The following DNER variants were observed in gnomAD, a reference collection of about 807,000 sequenced individuals.
DNER encodes delta and Notch-like epidermal growth factor-related receptor.
DNER carries 33 observed loss-of-function variants against 78.2 expected under a neutral mutation model. The observed-to-expected ratio is 0.42, with a 90% CI of 0.32 to 0.56. The LOEUF (loss-of-function observed/expected upper bound fraction) is 0.56. Among genes scored for constraint, DNER ranks in the 20% least tolerant of loss-of-function variants. The probability of loss-of-function intolerance (pLI) is 0.11; values close to 1 mark genes in which losing one functional copy is unlikely to be tolerated. For missense variants in DNER, 918 were observed against 975.3 expected, an observed-to-expected ratio of 0.94 and a Z score of 0.78; for synonymous variants, 417 against 384.8, an observed-to-expected ratio of 1.08 and a Z score of -0.98.
intron 1 of DNER, among the ~76,000 whole-genome samples, chr2:229,679,052 C>T (rs1699345677): frequency 1.3e-5 from 2 of 152,078 alleles, no homozygotes; most frequent in African/African-American, 4.8e-5. Flanking sequence ...AGAACAACCC[C>T]TTTTTAATAC....
chr2:229,459,628 A>G (rs1209691456), intron 7 of DNER, among the ~76,000 whole-genome samples: 3 of 152,102 alleles, frequency 2.0e-5, no homozygotes, highest in Non-Finnish European at 2.9e-5. Context: ...GAAAAATAAC[A>G]TTCAATCAGG....
At chr2:229,489,959 G>C (rs1426999406) in intron 6 of DNER, among the ~76,000 whole-genome samples, 1 of 152,024 alleles carries the variant, frequency 6.6e-6, no homozygotes, top group Non-Finnish European at 1.5e-5. Flanking sequence ...CCAATATGTT[G>C]CAGTAACGAG....
intron 1 of DNER, among the ~76,000 whole-genome samples, chr2:229,642,271 C>T (rs1048578537): frequency 3.3e-5 from 5 of 152,090 alleles, no homozygotes; most frequent in Admixed American, 6.5e-5. Context: ...CTTTTTCAAT[C>T]CCAACAATTA....
chr2:229,698,329 T>G (rs979917685), intron 1 of DNER, among the ~76,000 whole-genome samples: 5 of 152,196 alleles, frequency 3.3e-5, no homozygotes, highest in Non-Finnish European at 1.5e-5. Context: ...CTGCACAACA[T>G]TTGCAAGTCA....
At chr2:229,688,208 G>C (rs952108378) in intron 1 of DNER, among the ~76,000 whole-genome samples, 1 of 152,190 alleles carries the variant, frequency 6.6e-6, no homozygotes, top group Non-Finnish European at 1.5e-5. Context: ...TCAGTGCTAA[G>C]TCACCTTGAA....
At chr2:229,582,087 C>T (rs16826224) in intron 4 of DNER, among the ~76,000 whole-genome samples, 10,776 of 152,170 alleles carry the variant, frequency 0.071, 674 homozygotes, top group African/African-American at 0.16. Context: ...AGTTTTCTTC[C>T]GCCCACCCTA....
chr2:229,499,074 G>A (rs1346686026), intron 6 of DNER, among the ~76,000 whole-genome samples: 2 of 152,058 alleles, frequency 1.3e-5, no homozygotes, highest in South Asian at 2.1e-4. Context: ...GCATACTAAT[G>A]GAACACAACA....
At chr2:229,458,108 C>G (rs1453691929) in intron 7 of DNER, among the ~76,000 whole-genome samples, 1 of 111,874 alleles carries the variant, frequency 8.9e-6, no homozygotes, top group Non-Finnish European at 1.6e-5. Context: ...TGCACTCCAG[C>G]CTGGGTCACA....
chr2:229,708,826 G>A (rs796389335), intron 1 of DNER, among the ~76,000 whole-genome samples: 7 of 152,288 alleles, frequency 4.6e-5, no homozygotes, highest in South Asian at 2.1e-4. Context: ...TGCAGTGCAC[G>A]AAACAGGCAA....
At chr2:229,617,489 A>G (rs1574930192) in intron 1 of DNER, among the ~76,000 whole-genome samples, 1 of 152,228 alleles carries the variant, frequency 6.6e-6, no homozygotes, top group East Asian at 1.9e-4. Flanking sequence ...AAAGGCTCTT[A>G]AAGACTGATC....
chr2:229,446,985 A>T (rs10490181), intron 8 of DNER, among the ~76,000 whole-genome samples: 16,786 of 152,264 alleles, frequency 0.11, 1,103 homozygotes, highest in South Asian at 0.23. Flanking sequence ...AATTGATAAA[A>T]ATGCTTAGCC....
At chr2:229,696,363 G>T (rs1277356088) in intron 1 of DNER, among the ~76,000 whole-genome samples, 1 of 152,222 alleles carries the variant, frequency 6.6e-6, no homozygotes, top group Non-Finnish European at 1.5e-5. Context: ...CCTGAGGGGT[G>T]CCAGGTCCTA....
intron 11 of DNER, among the ~76,000 whole-genome samples, chr2:229,373,122 G>A (rs1009033248): frequency 3.3e-5 from 5 of 152,074 alleles, no homozygotes; most frequent in Non-Finnish European, 5.9e-5. Context: ...AAACTAAAGA[G>A]CACAGCAAAA....
chr2:229,572,387 C>T (rs111245975), intron 4 of DNER, among the ~76,000 whole-genome samples: 1 of 152,186 alleles, frequency 6.6e-6, no homozygotes, highest in Non-Finnish European at 1.5e-5. Context: ...ATCTCAAAAT[C>T]ATTAACGTCT....
intron 1 of DNER, among the ~76,000 whole-genome samples, chr2:229,649,063 T>C (rs1295315002): frequency 6.6e-6 from 1 of 152,190 alleles, no homozygotes; most frequent in Non-Finnish European, 1.5e-5. Flanking sequence ...CACTGACCCT[T>C]GTAGTTCTTT....
At position 229,563,956 on chromosome 2, in the gene DNER, A is replaced by T. The variant is rs560755526; in HGVS notation, c.848-16864T>A. On this transcript the variant is annotated intron_variant, in intron 4 of 12. Transcript: ENST00000341772. The stretch of plus-strand genomic sequence containing the variant: ...TTATCATCATCCTCACCCCATCACC[A>T]TCATCATCCTCATCCCATCACCATC... 6.5e-4 allele frequency among the ~76,000 whole-genome samples: 96 copies of T among 147,596 alleles called. 1 individual carries two copies. Among genetic ancestry groups the T allele is most frequent in the African/African-American group, 2.3e-3 (89 of 39,380 alleles).
chr2:229,466,463 G>A (rs1013071660), intron 7 of DNER, among the ~76,000 whole-genome samples: 2 of 152,076 alleles, frequency 1.3e-5, no homozygotes, highest in African/African-American at 4.8e-5. Flanking sequence ...AACACTTCCT[G>A]ACTCTCCCTC....
intron 1 of DNER, among the ~76,000 whole-genome samples, chr2:229,668,187 G>C (rs1223956929): frequency 1.3e-5 from 2 of 152,018 alleles, no homozygotes; most frequent in Non-Finnish European, 2.9e-5. Context: ...TAGGGGAGAT[G>C]TTACCATTTC....
chr2:229,527,826 G>A (rs888832181), intron 5 of DNER, among the ~76,000 whole-genome samples: 8 of 152,004 alleles, frequency 5.3e-5, no homozygotes, highest in Non-Finnish European at 1.2e-4. Flanking sequence ...TCTGGGATGG[G>A]GAATGATTAT....
Sources: allele counts gnomAD v4.1 joint callset (sites outside exome capture counted in the v4.1 genomes callset), GRCh38; gene constraint gnomAD v4.1.1; transcripts MANE v1.5; gene names NCBI Gene and HGNC (gene_info 2026-07-23, HGNC 2026-07-21).